Variants in NT5DC1 observed in about 807,000 individuals in gnomAD.
NT5DC1 encodes the protein 5'-nucleotidase domain containing 1.
In NT5DC1, 42 loss-of-function variants were observed where a neutral mutation model predicts 59.4. The observed-to-expected ratio is 0.71, with a 90% CI of 0.55 to 0.92. NT5DC1 has a LOEUF of 0.92. Among genes scored for constraint, NT5DC1 ranks in the 40% least tolerant of loss-of-function variants. The pLI is 0.00. For missense variants in NT5DC1, 501 were observed against 537.1 expected (o/e 0.93, Z 0.66); for synonymous variants, 172 against 188.1 (o/e 0.91, Z 0.70).
intron 6 of NT5DC1, among the ~76,000 whole-genome samples, chr6:116,169,365 A>G (rs1476409101): frequency 1.3e-5 from 2 of 152,218 alleles, no homozygotes; most frequent in Non-Finnish European, 2.9e-5. Flanking sequence ...AAAAATGAAA[A>G]CATGTTATAG....
chr6:116,153,825 T>TA (rs1035772547), intron 6 of NT5DC1, among the ~76,000 whole-genome samples: 6 of 152,276 alleles, frequency 3.9e-5, no homozygotes, highest in African/African-American at 1.2e-4. Flanking sequence ...ATTGTTTCCT[T>TA]ACCTTCTCTG....
chr6:116,187,076 C>T (rs1284176257), intron 6 of NT5DC1, among the ~76,000 whole-genome samples: 2 of 152,050 alleles, frequency 1.3e-5, no homozygotes, highest in Admixed American at 1.3e-4. Flanking sequence ...GTGGTGTTCT[C>T]CCCTTTCCCC....
At chr6:116,182,345 A>G (rs1358406804) in intron 6 of NT5DC1, among the ~76,000 whole-genome samples, 1 of 151,938 alleles carries the variant, frequency 6.6e-6, no homozygotes, top group Non-Finnish European at 1.5e-5. Flanking sequence ...GCTGCTATAA[A>G]TGTGTGTGTA....
chr6:116,216,454 T>G (rs184000784), intron 6 of NT5DC1, among the ~76,000 whole-genome samples: 48 of 151,704 alleles, frequency 3.2e-4, no homozygotes, highest in Non-Finnish European at 5.6e-4. Context: ...ATTTTTGGAG[T>G]AGGGCCGGGA....
At chr6:116,222,419 A>G (rs1014562321) in intron 7 of NT5DC1, among the ~76,000 whole-genome samples, 4 of 152,196 alleles carry the variant, frequency 2.6e-5, no homozygotes, top group Non-Finnish European at 5.9e-5. Context: ...CCCCATTGTA[A>G]TAGTGAGTCC....
chr6:116,159,832 T>C (rs1303549856), intron 6 of NT5DC1, among the ~76,000 whole-genome samples: 3 of 152,202 alleles, frequency 2.0e-5, no homozygotes, highest in Non-Finnish European at 4.4e-5. Context: ...TTTATGTCCA[T>C]GTGTACTTCA....
chr6:116,150,127 C>T (rs1780001046), intron 6 of NT5DC1, among the ~76,000 whole-genome samples: 1 of 152,070 alleles, frequency 6.6e-6, no homozygotes, highest in Non-Finnish European at 1.5e-5. Context: ...TTGACAAGGG[C>T]AATGAGAGGC....
At chr6:116,108,174 T>C (rs2114900394) in intron 2 of NT5DC1, among the ~76,000 whole-genome samples, 190 bp from the exon 3 acceptor site, 1 of 152,346 alleles carries the variant, frequency 6.6e-6, no homozygotes, top group South Asian at 2.1e-4. Context: ...ACAATTTTCC[T>C]TTTATACCTG....
chr6:116,181,340 G>A (rs972580344), intron 6 of NT5DC1, among the ~76,000 whole-genome samples: 1 of 151,916 alleles, frequency 6.6e-6, no homozygotes, highest in Non-Finnish European at 1.5e-5. Flanking sequence ...AGCAAATTCA[G>A]AATATATAAA....
At chr6:116,129,594 CTA>C (rs1779413845) in intron 6 of NT5DC1, among the ~76,000 whole-genome samples, 1 of 152,206 alleles carries the variant, frequency 6.6e-6, no homozygotes, top group Non-Finnish European at 1.5e-5. Flanking sequence ...CCATGCGATA[CTA>C]CAGCATGAAC....
chr6:116,177,269 A>G (rs1780756395), intron 6 of NT5DC1, among the ~76,000 whole-genome samples: 1 of 152,206 alleles, frequency 6.6e-6, no homozygotes, highest in African/African-American at 2.4e-5. Context: ...TATAACATTC[A>G]TGACATACTT....
intron 6 of NT5DC1, among the ~76,000 whole-genome samples, chr6:116,179,052 A>C (rs554642348): frequency 6.6e-6 from 1 of 152,292 alleles, no homozygotes; most frequent in East Asian, 1.9e-4. Flanking sequence ...AAGTTTGTAA[A>C]ATTCGATATG....
intron 6 of NT5DC1, among the ~76,000 whole-genome samples, chr6:116,163,141 A>AAAATATAT (rs761718922): frequency 1.7e-4 from 15 of 88,396 alleles, no homozygotes; most frequent in African/African-American, 6.3e-4. Context: ...AAAAAAAAAA[A>AAAATATAT]ATATATATAT....
At chr6:116,237,201 A>G (rs968543052) in intron 9 of NT5DC1, 117 bp downstream of exon 9, 26 of 677,234 alleles carry the variant, frequency 3.8e-5, no homozygotes, top group Non-Finnish European at 7.0e-5. Flanking sequence ...TTGTCAATGT[A>G]GACAGGCTGT....
intron 6 of NT5DC1, among the ~76,000 whole-genome samples, chr6:116,150,500 G>A (rs1442146342): frequency 6.6e-6 from 1 of 152,070 alleles, no homozygotes; most frequent in Non-Finnish European, 1.5e-5. Flanking sequence ...GGCCAGGCTG[G>A]TCTCGAATGT....
At chr6:116,223,692 G>A (rs1422486588) in intron 8 of NT5DC1, among the ~76,000 whole-genome samples, 1 of 152,208 alleles carries the variant, frequency 6.6e-6, no homozygotes, top group East Asian at 1.9e-4. Flanking sequence ...GCCTGATCCG[G>A]AATAGAGAAG....
chr6:116,143,859 A>G (rs1486231980), intron 6 of NT5DC1, among the ~76,000 whole-genome samples: 1 of 152,178 alleles, frequency 6.6e-6, no homozygotes, highest in Admixed American at 6.5e-5. Context: ...AGTTTGTAGT[A>G]GTGTTTGGTT....
At chr6:116,198,745 A>T (rs568370560) in intron 6 of NT5DC1, among the ~76,000 whole-genome samples, 17 of 151,926 alleles carry the variant, frequency 1.1e-4, no homozygotes, top group South Asian at 8.3e-4. Flanking sequence ...ATATTTTTTT[A>T]AAAAAAGGAC....
rs2114279026 is a variant in NT5DC1, at chr6:116,120,376, C to T, written c.529+2431C>T. 3 of 1,614,218 alleles carry T rather than the reference C, an allele frequency of 1.9e-6. No individual in the cohort carries two copies. Among genetic ancestry groups the T allele is most frequent in the Middle Eastern group, 1.6e-4 (1 of 6,062 alleles). On this transcript the variant is annotated intron_variant, in intron 6 of 11. Transcript: ENST00000319550. Reference sequence around the variant, plus strand: ...AGATTCCAGTCCTTGGGTCATAATGCTGTTGCCTGTTATACAAAATTTTAT... The same window carrying T: ...AGATTCCAGTCCTTGGGTCATAATGTTGTTGCCTGTTATACAAAATTTTAT...
Sources: allele counts gnomAD v4.1 joint callset (sites outside exome capture counted in the v4.1 genomes callset), GRCh38; gene constraint gnomAD v4.1.1; transcripts MANE v1.5; gene names NCBI Gene and HGNC (gene_info 2026-07-23, HGNC 2026-07-21).